The following PRDM10 variants were observed in gnomAD, a reference collection of about 807,000 sequenced individuals.
PRDM10 encodes PR domain zinc finger protein 10.
PRDM10 carries 65 observed loss-of-function variants against 133.1 expected under a neutral mutation model. The ratio of observed to expected loss-of-function variants is 0.49; its 90% CI spans 0.40 to 0.60. PRDM10 has a LOEUF of 0.60. PRDM10 is among the 20% of genes least tolerant of loss of function. The pLI is 0.00. For missense variants in PRDM10, 1,137 were observed against 1,507.1 expected, an observed-to-expected ratio of 0.75 and a Z score of 4.07; for synonymous variants, 582 against 580.4, an observed-to-expected ratio of 1.00 and a Z score of -0.04.
rs1476027445 is a variant in PRDM10, at chr11:129,901,994, A to C, written c.*319T>G. On this transcript the variant is annotated 3_prime_UTR_variant, in exon 21 of 21. Coordinates refer to ENST00000360871, the MANE Select transcript of PRDM10 (RefSeq NM_199437.2). ...TTGGTATGAACACAATATGCCACTTAATATTTCCACAAAGGAAAAGTAAGG... is the reference window on the plus strand; with the variant it reads ...TTGGTATGAACACAATATGCCACTTCATATTTCCACAAAGGAAAAGTAAGG... The C allele has an allele frequency of 3.6e-6, 1 of 279,254 alleles. No homozygotes were observed. Among genetic ancestry groups the C allele is most frequent in the African/African-American group, 2.2e-5 (1 of 45,154 alleles). The allele number at this position is 279,254 out of a possible 1,614,324, so 17.3% of individuals were successfully genotyped here. A position where few individuals can be genotyped will look rare whatever the true frequency, so the allele number is the denominator to read the frequency against.
At chr11:129,903,282 G>C (rs1949899331) in intron 20 of PRDM10, among the ~76,000 whole-genome samples, 1 of 141,530 alleles carries the variant, frequency 7.1e-6, no homozygotes, top group Admixed American at 7.2e-5. Flanking sequence ...TGGGCAACAA[G>C]AGCGAAACTC....
chr11:129,923,517 C>G lies in PRDM10; in HGVS notation c.1879-114G>C. ...ACGCATTACCATGGGTTTTCATCAA[C>G]CCCGCCGAGGAATCCAATCAGATGT... On this transcript the variant is annotated intron_variant, in intron 12 of 20. Transcript: ENST00000360871. This position sits in a 1 kb window ranked among gnomAD's most constrained non-coding sequence, Gnocchi z 4.4. The G allele has an allele frequency of 1.7e-6, 2 of 1,151,562 alleles. No individual in the cohort carries two copies. The highest frequency in any genetic ancestry group is 1.2e-6 in the Non-Finnish European group (1 of 841,520). 71.3% of individuals were successfully genotyped at this position (1,151,562 alleles called of 1,614,324 possible). A position where few individuals can be genotyped will look rare whatever the true frequency, so the allele number is the denominator to read the frequency against.
intron 1 of PRDM10, among the ~76,000 whole-genome samples, chr11:129,969,639 CAAAAA>C (rs140612028): frequency 1.9e-5 from 2 of 103,470 alleles, no homozygotes; most frequent in Non-Finnish European, 2.3e-5. Flanking sequence ...ACTAGAAATA[CAAAAA>C]AAAAAAAAAA....
intron 1 of PRDM10, among the ~76,000 whole-genome samples, chr11:129,968,009 G>T (rs1951941870): frequency 6.6e-6 from 1 of 152,118 alleles, no homozygotes; most frequent in Non-Finnish European, 1.5e-5. Flanking sequence ...TAGGATGCAG[G>T]AGCTCCTGCC....
intron 9 of PRDM10, among the ~76,000 whole-genome samples, chr11:129,932,739 T>A (rs980669890): frequency 6.6e-6 from 1 of 152,118 alleles, no homozygotes; most frequent in African/African-American, 2.4e-5. Flanking sequence ...AAACATCAAT[T>A]AACTTTTGCA....
chr11:129,915,541 T>A, intron 16 of PRDM10, 119 bp downstream of exon 16: 1 of 1,116,468 alleles, frequency 9.0e-7, no homozygotes, highest in Non-Finnish European at 1.3e-6. Context: ...AACATCTCTT[T>A]CAGTCCCCCG....
chr11:129,923,227 G>T lies in PRDM10; in HGVS notation c.2034+21C>A. The T allele has an allele frequency of 6.4e-7, 1 of 1,559,770 alleles. No individual in the cohort carries two copies. The highest frequency in any genetic ancestry group is 1.9e-5 in the Admixed American group (1 of 51,752). ...TCCAGTGGCCACGAGAACCACCTTG[G>T]GCTGTGCCTTGGTGTCATACCTTAA... On this transcript the variant is annotated intron_variant, in intron 13 of 20. Coordinates refer to ENST00000360871, the MANE Select transcript of PRDM10 (RefSeq NM_199437.2). This position sits in a 1 kb window ranked among gnomAD's most constrained non-coding sequence, Gnocchi z 4.4.
intron 1 of PRDM10, among the ~76,000 whole-genome samples, chr11:129,976,748 C>T (rs1937780884): frequency 6.6e-6 from 1 of 152,032 alleles, no homozygotes; most frequent in East Asian, 1.9e-4. Context: ...AATTTTAGAA[C>T]TCAGAAAAGA....
At chr11:129,978,756 G>T (rs1290967459) in intron 1 of PRDM10, among the ~76,000 whole-genome samples, 1 of 152,218 alleles carries the variant, frequency 6.6e-6, no homozygotes, top group Non-Finnish European at 1.5e-5. Flanking sequence ...TCCCATCAGG[G>T]TGTGGCACAC....
chr11:129,913,638 A>G (rs1469099185), intron 17 of PRDM10, among the ~76,000 whole-genome samples: 1 of 152,206 alleles, frequency 6.6e-6, no homozygotes, highest in Non-Finnish European at 1.5e-5. Flanking sequence ...CCCTTTTTCT[A>G]GAACAATGTA....
At chr11:129,989,338 G>A (rs886743916) in intron 1 of PRDM10, among the ~76,000 whole-genome samples, 3 of 152,130 alleles carry the variant, frequency 2.0e-5, no homozygotes, top group Non-Finnish European at 4.4e-5. Flanking sequence ...GAGCATGCAT[G>A]TTTCTCAGCT....
Position 129,931,789 on chromosome 11 carries a change from C to T in PRDM10, c.1287+313G>A, listed in dbSNP as rs199954807. On this transcript the variant is annotated intron_variant, in intron 10 of 20. Transcript: ENST00000360871. ...TTCACCGTGTTAGCCAGGATGGTCT[C>T]GATCTCCTGACCTCGTGATCCGCCC... Among the ~76,000 whole-genome samples the T allele has an allele frequency of 1.1e-4, 17 of 152,088 alleles. No individual in the cohort carries two copies. In the East Asian group the frequency reaches 2.7e-3, roughly 24 times the overall value.
intron 11 of PRDM10, among the ~76,000 whole-genome samples, chr11:129,927,684 A>T (rs148933919): frequency 6.6e-6 from 1 of 152,210 alleles, no homozygotes; most frequent in Non-Finnish European, 1.5e-5. Flanking sequence ...TTCAATTTCC[A>T]TGGAGCCCTG....
rs1433046500 is a variant in PRDM10 at position 129,914,804 on chromosome 11, T to C, written c.2741A>G (p.Gln914Arg). Residue 914 changes from glutamine to arginine, a missense_variant, in exon 17 of 21, where the codon CAA (glutamine) becomes CGA (arginine). By Grantham distance (43) the Gln-to-Arg change is conservative. Transcript: ENST00000360871. Reference sequence around the variant, plus strand: ...GTACTGAATTCTCTGGTAATCCCCTTGTGGCGTTCGGTAGTCTGTCGTTAA... The same window carrying C: ...GTACTGAATTCTCTGGTAATCCCCTCGTGGCGTTCGGTAGTCTGTCGTTAA... ...QTLTTDYRTP[Q>R]GDYQRIQYIP... is the part of the protein sequence containing the mutation. 1 of 1,614,050 alleles carries C rather than the reference T, an allele frequency of 6.2e-7. No individual in the cohort carries two copies. The highest frequency in any genetic ancestry group is 2.2e-5 in the East Asian group (1 of 44,878).
chr11:129,974,388 C>G (rs1203274902), intron 1 of PRDM10, among the ~76,000 whole-genome samples: 8 of 151,670 alleles, frequency 5.3e-5, no homozygotes, highest in Admixed American at 2.0e-4. Context: ...CAGAAGAGAG[C>G]AATAACATTT....
chr11:129,955,586 GA>G lies in PRDM10; in HGVS notation c.235-16del. On this transcript the variant is annotated splice_polypyrimidine_tract_variant and intron_variant, in intron 3 of 20. Transcript: ENST00000360871. ...GTAAACAGAGTCTAAACAAACAAAC[GA>G]ACAAAAAATTATCAGTAGCTCTTTG... 6.2e-7 allele frequency: 1 copy of G among 1,611,766 alleles called. No individual in the cohort carries two copies. Among genetic ancestry groups the G allele is most frequent in the Non-Finnish European group, 8.5e-7 (1 of 1,178,822 alleles).
chr11:129,953,902 AT>A (rs1018419448), intron 4 of PRDM10, among the ~76,000 whole-genome samples: 1 of 147,606 alleles, frequency 6.8e-6, no homozygotes, highest in Non-Finnish European at 1.5e-5. Context: ...ATCCTAATAT[AT>A]AAAAATATAT....
chr11:129,965,906 G>A (rs1368534671), intron 1 of PRDM10, among the ~76,000 whole-genome samples: 6 of 152,184 alleles, frequency 3.9e-5, no homozygotes, highest in East Asian at 3.9e-4. Context: ...TAGTTGGGGC[G>A]TTAGTAAGCC....
chr11:129,943,263 A>G (rs1951273868), intron 6 of PRDM10, among the ~76,000 whole-genome samples: 1 of 152,240 alleles, frequency 6.6e-6, no homozygotes, highest in East Asian at 1.9e-4. Flanking sequence ...TTCTTTAACC[A>G]GAGTCTACAG....
Sources: allele counts gnomAD v4.1 joint callset (sites outside exome capture counted in the v4.1 genomes callset), GRCh38; gene constraint gnomAD v4.1.1; non-coding constraint Gnocchi (gnomAD v3.1); transcripts MANE v1.5; gene names NCBI Gene and HGNC (gene_info 2026-07-23, HGNC 2026-07-21).